LAMA2: variants seen among roughly 807,000 people sequenced by gnomAD.
LAMA2 encodes the protein laminin subunit alpha 2.
A neutral mutation model predicts 364.8 loss-of-function variants in LAMA2; 269 were observed. The observed-to-expected ratio is 0.74, with a 90% CI of 0.67 to 0.82. LAMA2 has a LOEUF of 0.82. Among genes scored for constraint, LAMA2 ranks in the 40% least tolerant of loss-of-function variants. The pLI, the probability that LAMA2 is intolerant of heterozygous loss-of-function variation, is 0.00. For missense variants in LAMA2, 3,807 were observed against 3,873.2 expected, an observed-to-expected ratio of 0.98 and a Z score of 0.45; for synonymous variants, 1,379 against 1,370.6, an observed-to-expected ratio of 1.01 and a Z score of -0.14.
At position 129,114,231 on chromosome 6, in the gene LAMA2, G is replaced by A. The variant is rs992685777; in HGVS notation, c.639+15816G>A. Among the ~76,000 whole-genome samples, 3 of 152,088 alleles carry A rather than the reference G, an allele frequency of 2.0e-5. No homozygotes were observed. The East Asian group carries it at 5.8e-4, about 29-fold the overall frequency. ...GGTTGAACAGGTATAAAATAATTAG[G>A]TCAAGAGCAATCAGCAAAATATATG... On this transcript the variant is annotated intron_variant, in intron 4 of 64. Coordinates refer to ENST00000421865, the MANE Select transcript of LAMA2 (RefSeq NM_000426.4).
At chr6:129,228,154 G>A (rs1324571862) in intron 12 of LAMA2, among the ~76,000 whole-genome samples, 1 of 152,196 alleles carries the variant, frequency 6.6e-6, no homozygotes, top group African/African-American at 2.4e-5. Flanking sequence ...ATCTCCTGGT[G>A]TGCCGTTTGC....
chr6:129,166,614 T>C lies in LAMA2; in HGVS notation c.1306+939T>C, dbSNP rs990603679. 2.0e-5 allele frequency among the ~76,000 whole-genome samples: 3 copies of C among 152,202 alleles called. No homozygotes were observed. In the East Asian group the frequency reaches 5.8e-4, roughly 29 times the overall value. On this transcript the variant is annotated intron_variant, in intron 9 of 64. Coordinates refer to ENST00000421865, the MANE Select transcript of LAMA2 (RefSeq NM_000426.4). ...TTTCGTTTTAAGCCTTTTCTCTTTG[T>C]GTTTACAAGTAAATCACAATGTTGT...
At chr6:128,937,749 T>C (rs943211555) in intron 1 of LAMA2, among the ~76,000 whole-genome samples, 1 of 152,048 alleles carries the variant, frequency 6.6e-6, no homozygotes, top group East Asian at 1.9e-4. Flanking sequence ...CTTACTTATA[T>C]TGATCTTTTC....
intron 8 of LAMA2, chr6:129,159,158 A>G: frequency 6.7e-7 from 1 of 1,496,072 alleles, no homozygotes; most frequent in Admixed American, 1.7e-5. Flanking sequence ...TGTCACCTTT[A>G]GTAATTGGTC....
chr6:129,336,174 C>T (rs1196201798), intron 29 of LAMA2, among the ~76,000 whole-genome samples: 1 of 152,142 alleles, frequency 6.6e-6, no homozygotes, highest in Admixed American at 6.5e-5. Flanking sequence ...AATAGGTTCA[C>T]TTTGTCAGAG....
chr6:129,281,226 T>TGTGTGTGTTTAAAGAAAGGC (rs1788696803), intron 18 of LAMA2, among the ~76,000 whole-genome samples: 1 of 152,162 alleles, frequency 6.6e-6, no homozygotes, highest in Admixed American at 6.6e-5. Context: ...TGTGTGTCTG[T>TGTGTGTGTTTAAAGAAAGGC]GTGTGTGTTT....
chr6:129,086,215 C>A (rs1774377659), intron 3 of LAMA2, among the ~76,000 whole-genome samples: 2 of 152,212 alleles, frequency 1.3e-5, no homozygotes, highest in South Asian at 4.1e-4. Context: ...CAGGGTGCAG[C>A]ATCCCTATTT....
intron 1 of LAMA2, among the ~76,000 whole-genome samples, chr6:128,897,764 G>A (rs1776858120): frequency 6.6e-6 from 1 of 152,190 alleles, no homozygotes; most frequent in East Asian, 1.9e-4. Flanking sequence ...AACTCCCAGA[G>A]TAGAGAATAT....
chr6:129,068,698 T>C (rs1773100732), intron 3 of LAMA2, among the ~76,000 whole-genome samples: 1 of 152,208 alleles, frequency 6.6e-6, no homozygotes, highest in South Asian at 2.1e-4. Flanking sequence ...CTATGCATGT[T>C]CTTACTCTGC....
At chr6:129,288,571 G>T (rs1349839370) in intron 19 of LAMA2, among the ~76,000 whole-genome samples, 1 of 152,100 alleles carries the variant, frequency 6.6e-6, no homozygotes, top group African/African-American at 2.4e-5. Flanking sequence ...TGTCATTGTT[G>T]AATGATTAAC....
intron 1 of LAMA2, among the ~76,000 whole-genome samples, chr6:128,902,206 C>G (rs566929138): frequency 6.6e-6 from 1 of 152,318 alleles, no homozygotes; most frequent in East Asian, 1.9e-4. Context: ...ATGGGGATTA[C>G]AATTTGGATT....
At chr6:129,105,278 C>G (rs1261558847) in intron 4 of LAMA2, among the ~76,000 whole-genome samples, 1 of 152,108 alleles carries the variant, frequency 6.6e-6, no homozygotes, top group African/African-American at 2.4e-5. Flanking sequence ...CCCCAGGGAA[C>G]CAAGCCATCG....
chr6:129,444,137 T>G (rs1029425964), intron 44 of LAMA2, among the ~76,000 whole-genome samples: 1 of 152,022 alleles, frequency 6.6e-6, no homozygotes, highest in Non-Finnish European at 1.5e-5. Flanking sequence ...ATTTAACACA[T>G]AAGAGATCAC....
At chr6:129,321,832 A>G (rs1361018440) in intron 28 of LAMA2, among the ~76,000 whole-genome samples, 4 of 152,230 alleles carry the variant, frequency 2.6e-5, no homozygotes, top group Non-Finnish European at 1.5e-5. Context: ...ACTGAAGTGC[A>G]ACTTAAAAAT....
chr6:129,385,381 T>C (rs1293560388), intron 35 of LAMA2, among the ~76,000 whole-genome samples: 1 of 151,206 alleles, frequency 6.6e-6, no homozygotes, highest in Non-Finnish European at 1.5e-5. Flanking sequence ...CACCAAAGGC[T>C]TTAAAGTAGG....
At chr6:129,324,473 G>A (rs1775152245) in intron 28 of LAMA2, among the ~76,000 whole-genome samples, 1 of 152,168 alleles carries the variant, frequency 6.6e-6, no homozygotes, top group African/African-American at 2.4e-5. Context: ...CAATGAATCT[G>A]TTTCCAAAAC....
chr6:129,054,857 G>C (rs539569890), intron 2 of LAMA2, among the ~76,000 whole-genome samples: 3 of 150,858 alleles, frequency 2.0e-5, no homozygotes, highest in African/African-American at 7.3e-5. Flanking sequence ...AAAGATTGGG[G>C]TAGAAAATAA....
intron 3 of LAMA2, among the ~76,000 whole-genome samples, chr6:129,061,249 T>A (rs1221361130): frequency 6.6e-6 from 1 of 152,174 alleles, no homozygotes; most frequent in Non-Finnish European, 1.5e-5. Context: ...CAAGAGTGAG[T>A]CTGCTGTGCA....
chr6:129,419,431 C>T (rs1048428787), intron 40 of LAMA2, among the ~76,000 whole-genome samples: 18 of 151,994 alleles, frequency 1.2e-4, no homozygotes, highest in African/African-American at 4.4e-4. Flanking sequence ...TAATAGACAC[C>T]TCTCCATTAC....
Sources: gnomAD v4.1 joint callset for allele counts (sites outside exome capture counted in the v4.1 genomes callset) on GRCh38, gnomAD v4.1.1 for gene constraint, MANE v1.5 for transcripts, NCBI Gene and HGNC (gene_info 2026-07-23, HGNC 2026-07-21) for gene names.